The following BTG4 variants were observed in gnomAD, a reference collection of about 807,000 sequenced individuals.
The protein encoded by BTG4 is BTG anti-proliferation factor 4.
BTG4 carries 10 observed loss-of-function variants against 19.3 expected under a neutral mutation model. The observed-to-expected ratio is 0.52, with a 90% CI of 0.32 to 0.88. BTG4 has a LOEUF of 0.88. BTG4 is among the 40% of genes least tolerant of loss of function. BTG4 has a pLI of 0.04. For synonymous variants in BTG4, 91 were observed against 95.7 expected (o/e 0.95, Z 0.29); for missense variants, 238 against 281.9 (o/e 0.84, Z 1.11).
chr11:111,392,038 G>A, the BTG4 span, among the ~76,000 whole-genome samples: 2 of 152,074 alleles, frequency 1.3e-5, no homozygotes, highest in Non-Finnish European at 2.9e-5. Flanking sequence ...TAAATCTAGA[G>A]TGAGCCCTTC....
At chr11:111,412,945 A>C in the BTG4 span, among the ~76,000 whole-genome samples, 40,881 of 152,124 alleles carry the variant, frequency 0.27, 5,724 homozygotes, top group Admixed American at 0.35. Context: ...AGGTTACCTC[A>C]GGCAAATTTT....
At chr11:111,388,856 A>G in the BTG4 span, among the ~76,000 whole-genome samples, 1 of 152,232 alleles carries the variant, frequency 6.6e-6, no homozygotes, top group Non-Finnish European at 1.5e-5. Context: ...GAGTAAAGTG[A>G]AAGGAGTTTG....
chr11:111,397,735 A>G, the BTG4 span: 6 of 152,152 alleles, frequency 3.9e-5, no homozygotes, highest in East Asian at 5.8e-4. Context: ...TCTCTTGTTC[A>G]TTGATGTATC....
chr11:111,399,730 T>C, the BTG4 span, among the ~76,000 whole-genome samples: 1 of 152,162 alleles, frequency 6.6e-6, no homozygotes, highest in South Asian at 2.1e-4. Flanking sequence ...CCAAATTTAC[T>C]AGAGAACTTC....
At chr11:111,514,671 G>A, upstream of BTG4, 1 of 801,154 alleles carries the variant, frequency 1.2e-6, no homozygotes, top group South Asian at 1.7e-5. Flanking sequence ...ACCTACCTAG[G>A]AAACCGAGGG....
At chr11:111,422,015 C>T in the BTG4 span, among the ~76,000 whole-genome samples, 1 of 152,184 alleles carries the variant, frequency 6.6e-6, no homozygotes, top group African/African-American at 2.4e-5. Flanking sequence ...TGCTGGAGAG[C>T]AAGTCAACCT....
intron 5 of BTG4, among the ~76,000 whole-genome samples, chr11:111,476,677 C>T (rs1226464208): frequency 4.6e-5 from 7 of 152,096 alleles, no homozygotes; most frequent in East Asian, 1.9e-4. Flanking sequence ...TGATTGAAAT[C>T]GTGCTTTCAT....
the BTG4 span, among the ~76,000 whole-genome samples, chr11:111,429,692 G>A: frequency 0.025 from 3,739 of 152,262 alleles, 151 homozygotes; most frequent in African/African-American, 0.085. Flanking sequence ...AGCTATAAGA[G>A]AAACGGGGCC....
At chr11:111,413,203 C>T in the BTG4 span, among the ~76,000 whole-genome samples, 20 of 152,298 alleles carry the variant, frequency 1.3e-4, no homozygotes, top group African/African-American at 4.8e-4. Context: ...GGTCAGCACT[C>T]GAGTGAGTCA....
chr11:111,465,089 G>C (rs956306462), downstream of BTG4, among the ~76,000 whole-genome samples: 2 of 152,162 alleles, frequency 1.3e-5, no homozygotes, highest in African/African-American at 4.8e-5. Flanking sequence ...AGGGACCCCA[G>C]ATCACTTTAC....
At chr11:111,396,865 C>A in the BTG4 span, 1 of 152,166 alleles carries the variant, frequency 6.6e-6, no homozygotes, top group Non-Finnish European at 1.5e-5. Context: ...AAGGACCAAG[C>A]CTTTCTGGAA....
chr11:111,499,690 C>A (rs10891276), intron 1 of BTG4, among the ~76,000 whole-genome samples: 59,454 of 151,996 alleles, frequency 0.39, 11,997 homozygotes, highest in Middle Eastern at 0.5. Flanking sequence ...AAATTTGTTA[C>A]GACAACTTTG....
At chr11:111,393,219 G>T in the BTG4 span, among the ~76,000 whole-genome samples, 1 of 152,130 alleles carries the variant, frequency 6.6e-6, no homozygotes, top group Non-Finnish European at 1.5e-5. Context: ...CAAGGAACCG[G>T]ATTACTAAAT....
At chr11:111,463,965 G>A (rs533823086), downstream of BTG4, among the ~76,000 whole-genome samples, 1 of 152,314 alleles carries the variant, frequency 6.6e-6, no homozygotes, top group South Asian at 2.1e-4. Context: ...AGAGGAAGGA[G>A]GCCAGAGAGT....
the BTG4 span, among the ~76,000 whole-genome samples, chr11:111,418,747 G>A: frequency 3.3e-5 from 5 of 152,196 alleles, no homozygotes; most frequent in African/African-American, 9.7e-5. Context: ...CCAACCTTGA[G>A]AGTCCATGAA....
At chr11:111,489,996 G>A (rs1270747117), downstream of BTG4, among the ~76,000 whole-genome samples, 1 of 151,986 alleles carries the variant, frequency 6.6e-6, no homozygotes, top group African/African-American at 2.4e-5. Flanking sequence ...AAGTGGCCGG[G>A]TGCAGTGGCT....
intron 5 of BTG4, among the ~76,000 whole-genome samples, chr11:111,489,752 G>A (rs1865298776): frequency 2.6e-5 from 4 of 151,626 alleles, no homozygotes; most frequent in Admixed American, 6.6e-5. Context: ...GGCACAGAAA[G>A]ACAAATATTA....
the BTG4 span, among the ~76,000 whole-genome samples, chr11:111,390,111 T>C: frequency 2.8e-3 from 423 of 152,358 alleles, no homozygotes; most frequent in Non-Finnish European, 4.2e-3. Context: ...GCCAGGATTA[T>C]AATCTGGGCA....
the BTG4 span, among the ~76,000 whole-genome samples, chr11:111,407,880 T>A: frequency 6.6e-6 from 1 of 152,192 alleles, no homozygotes; most frequent in Non-Finnish European, 1.5e-5. Flanking sequence ...AGAGTCCAAG[T>A]TCCTAACCAC....
Sources: gnomAD v4.1 joint callset for allele counts (sites outside exome capture counted in the v4.1 genomes callset) on GRCh38, gnomAD v4.1.1 for gene constraint, MANE v1.5 for transcripts, NCBI Gene and HGNC (gene_info 2026-07-23, HGNC 2026-07-21) for gene names.